Variants in WDR4 observed in about 807,000 individuals in gnomAD.
The protein encoded by WDR4 is WDR4 tRNA N7-guanosine methyltransferase non-catalytic subunit, also known as tRNA (guanine-N(7)-)-methyltransferase non-catalytic subunit WDR4.
A neutral mutation model predicts 48.6 loss-of-function variants in WDR4; 47 were observed. The ratio of observed to expected loss-of-function variants is 0.97; its 90% CI spans 0.77 to 1.23. The LOEUF (loss-of-function observed/expected upper bound fraction) is 1.23. Among genes scored for constraint, WDR4 ranks in the 50% most tolerant of loss-of-function variants. The pLI is 0.00. For missense variants in WDR4, 606 were observed against 551.6 expected (o/e 1.10, Z -0.99); for synonymous variants, 268 against 230.0 (o/e 1.17, Z -1.49).
At chr21:42,847,911 A>G (rs1417139200), downstream of WDR4, among the ~76,000 whole-genome samples, 1 of 152,194 alleles carries the variant, frequency 6.6e-6, no homozygotes, top group Non-Finnish European at 1.5e-5. Context: ...ACTATGAATG[A>G]GAAAGCATGC....
chr21:42,847,662 C>A (rs1301932537), downstream of WDR4, among the ~76,000 whole-genome samples: 1 of 152,232 alleles, frequency 6.6e-6, no homozygotes, highest in African/African-American at 2.4e-5. Context: ...ACAGGCATGG[C>A]TGCATCCATA....
rs778055695 is a variant in WDR4 at position 42,850,033 on chromosome 21, C to T, written c.*16G>A. ...TTTTCCTAATTTGAGGTGAGAGACA[C>T]CACTGACCGCCACGATCAGCAACTT... On this transcript the variant is annotated 3_prime_UTR_variant, in exon 11 of 11. Transcript: ENST00000398208. The T allele has an allele frequency of 2.5e-6, 4 of 1,612,476 alleles. No individual in the cohort carries two copies. Among genetic ancestry groups the T allele is most frequent in the Non-Finnish European group, 3.4e-6 (4 of 1,179,648 alleles).
At chr21:42,856,776 C>T (rs1445097870) in intron 6 of WDR4, among the ~76,000 whole-genome samples, 2 of 152,070 alleles carry the variant, frequency 1.3e-5, no homozygotes, top group African/African-American at 4.8e-5. Flanking sequence ...CACACACACA[C>T]GCATGCACAT....
At chr21:42,887,294 ATTTT>A in the WDR4 span, among the ~76,000 whole-genome samples, 7 of 141,272 alleles carry the variant, frequency 5.0e-5, no homozygotes, top group African/African-American at 1.3e-4. Context: ...GCCTGGCCTA[ATTTT>A]TTTTTTTTTT....
downstream of WDR4, among the ~76,000 whole-genome samples, chr21:42,848,737 C>T (rs1345509865): frequency 3.5e-5 from 3 of 86,660 alleles, no homozygotes; most frequent in Non-Finnish European, 4.5e-5. Flanking sequence ...TCACACGGCG[C>T]GCACCTCACA....
chr21:42,855,183 A>G (rs1399465553), intron 7 of WDR4, among the ~76,000 whole-genome samples: 1 of 152,134 alleles, frequency 6.6e-6, no homozygotes, highest in African/African-American at 2.4e-5. Context: ...ACCTGAGTCC[A>G]CGTGAAGCAT....
At chr21:42,853,806 G>A (rs927368573) in intron 8 of WDR4, 54 bp from the exon 9 acceptor site, 61 of 1,506,244 alleles carry the variant, frequency 4.0e-5, no homozygotes, top group South Asian at 5.0e-5. Context: ...CACGGGCTCC[G>A]CTCTGCAGCC....
intron 8 of WDR4, among the ~76,000 whole-genome samples, chr21:42,854,285 G>C (rs1054173966): frequency 6.6e-6 from 1 of 152,224 alleles, no homozygotes; most frequent in Non-Finnish European, 1.5e-5. Context: ...GACTGGCCCA[G>C]GGGAAAGTCT....
intron 8 of WDR4, 22 bp downstream of exon 8, chr21:42,854,540 T>C (rs373989563): frequency 3.2e-5 from 51 of 1,610,214 alleles, no homozygotes; most frequent in Middle Eastern, 1.7e-4. Flanking sequence ...CCGGAGGCCA[T>C]AGAGGTGCCG....
At chr21:42,843,492 C>T (rs1433439883) in intron 11 of WDR4, among the ~76,000 whole-genome samples, 1 of 143,826 alleles carries the variant, frequency 7.0e-6, no homozygotes, top group Non-Finnish European at 1.5e-5. Context: ...CTTGCTGCAG[C>T]CTCAAACTCC....
At chr21:42,859,600 C>A in intron 6 of WDR4, 62 bp downstream of exon 6, 7 of 705,976 alleles carry the variant, frequency 9.9e-6, no homozygotes, top group South Asian at 4.6e-5. Flanking sequence ...AGGAGGCGCC[C>A]ACCCCACCCT....
At position 42,862,261 on chromosome 21, in the gene WDR4, G is replaced by C; in HGVS notation, c.566+21C>G. The stretch of plus-strand genomic sequence containing the variant: ...TCAAACAGACCTTCTTTCTGCTGGA[G>C]GGGCAGGAAGGGGCACTCACTCTGT... On this transcript the variant is annotated intron_variant, in intron 5 of 10. Coordinates refer to ENST00000398208, the MANE Select transcript of WDR4 (RefSeq NM_018669.6). The surrounding 1 kb of genome is among the most constrained non-coding windows in gnomAD (Gnocchi z 4.3). 28 of 1,577,856 alleles carry C rather than the reference G, an allele frequency of 1.8e-5. No individual in the cohort carries two copies. The highest frequency in any genetic ancestry group is 2.4e-5 in the Non-Finnish European group (28 of 1,158,922).
the WDR4 span, among the ~76,000 whole-genome samples, chr21:42,889,982 C>T: frequency 6.4e-4 from 98 of 152,048 alleles, no homozygotes; most frequent in Non-Finnish European, 6.2e-4. Context: ...TTTAGGAGGC[C>T]GAGGTGGGAA....
At chr21:42,873,821 A>G in intron 2 of WDR4, 130 bp from the exon 3 acceptor site, 1 of 1,053,154 alleles carries the variant, frequency 9.5e-7, no homozygotes, top group South Asian at 1.6e-5. Flanking sequence ...TAGCCAAAAT[A>G]CAGACATATT....
intron 10 of WDR4, among the ~76,000 whole-genome samples, chr21:42,851,768 T>C (rs1403475844): frequency 6.6e-6 from 1 of 152,180 alleles, no homozygotes; most frequent in African/African-American, 2.4e-5. Flanking sequence ...CAGCTGAGTG[T>C]TCCTGTCAGG....
At chr21:42,851,374 G>A (rs1426128436) in intron 10 of WDR4, among the ~76,000 whole-genome samples, 5 of 152,228 alleles carry the variant, frequency 3.3e-5, no homozygotes, top group Admixed American at 3.3e-4. Context: ...CTCAGAGGCA[G>A]AGCCAGCGTG....
intron 1 of WDR4, among the ~76,000 whole-genome samples, chr21:42,877,741 G>A (rs911678861): frequency 1.3e-5 from 2 of 152,040 alleles, no homozygotes; most frequent in Non-Finnish European, 2.9e-5. Flanking sequence ...AAATCTATGC[G>A]ACATGGTTAT....
rs146916514 is a variant in WDR4 at position 42,855,689 on chromosome 21, G to C, written c.719C>G (p.Ala240Gly). ...GTGAACAGAAGCAGCTACCTGGGGG[G>C]CCTGGGGGTCCACCAGCTCCTGCAG... is the stretch of plus-strand genomic sequence containing the variant. ...ASLQELVDPQAPQKFAASRIA... is the reference protein window; with the variant it reads ...ASLQELVDPQGPQKFAASRIA... Residue 240 changes from alanine (A) to glycine (G), a missense_variant, in exon 7 of 11, where the codon GCC becomes GGC. By Grantham distance (60) the Ala-to-Gly change is moderately conservative. Transcript: ENST00000398208. The C allele has an allele frequency of 6.4e-7, 1 of 1,552,108 alleles. No homozygotes were observed. Among genetic ancestry groups the C allele is most frequent in the South Asian group, 1.2e-5 (1 of 84,112 alleles).
At chr21:42,852,997 C>T (rs554914196) in intron 9 of WDR4, among the ~76,000 whole-genome samples, 1 of 152,160 alleles carries the variant, frequency 6.6e-6, no homozygotes, top group Non-Finnish European at 1.5e-5. Context: ...CCACAGCAAC[C>T]CTGTGAGACG....
Sources: allele counts gnomAD v4.1 joint callset (sites outside exome capture counted in the v4.1 genomes callset), GRCh38; gene constraint gnomAD v4.1.1; non-coding constraint Gnocchi (gnomAD v3.1); transcripts MANE v1.5; gene names NCBI Gene and HGNC (gene_info 2026-07-23, HGNC 2026-07-21).